Variants in CAMK1D observed in about 807,000 individuals in gnomAD.
CAMK1D encodes the protein calcium/calmodulin-dependent protein kinase type 1D.
CAMK1D carries 9 observed loss-of-function variants against 47.7 expected under a neutral mutation model. The observed-to-expected ratio is 0.19, with a 90% CI of 0.11 to 0.33. The LOEUF is 0.33. Ranked by LOEUF, CAMK1D falls within the 10% of genes least tolerant of loss-of-function variation. The probability of loss-of-function intolerance (pLI) is 1.00; values close to 1 mark genes in which losing one functional copy is unlikely to be tolerated. For missense variants in CAMK1D, 291 were observed against 488.7 expected, an observed-to-expected ratio of 0.60 and a Z score of 3.81; for synonymous variants, 184 against 184.9, an observed-to-expected ratio of 0.99 and a Z score of 0.04.
chr10:12,691,378 A>T (rs12358965), intron 3 of CAMK1D, among the ~76,000 whole-genome samples: 415 of 7,578 alleles, frequency 0.055, 4 homozygotes, highest in East Asian at 0.087. Context: ...TATATATATA[A>T]ATATATATAT....
At chr10:12,818,943 T>C (rs1302363744) in intron 8 of CAMK1D, among the ~76,000 whole-genome samples, 1 of 152,192 alleles carries the variant, frequency 6.6e-6, no homozygotes, top group African/African-American at 2.4e-5. Flanking sequence ...TAATAAAGGT[T>C]TTCTTACTTT....
At chr10:12,742,245 TC>T (rs1364105047) in intron 3 of CAMK1D, among the ~76,000 whole-genome samples, 2 of 152,274 alleles carry the variant, frequency 1.3e-5, no homozygotes, top group East Asian at 3.9e-4. Context: ...AAACCATCCT[TC>T]CACCTCAGCC....
chr10:12,808,925 T>C (rs902187158), intron 6 of CAMK1D, among the ~76,000 whole-genome samples: 2 of 152,098 alleles, frequency 1.3e-5, no homozygotes, highest in African/African-American at 2.4e-5. Context: ...GAGATCAGCC[T>C]GGCCAACATG....
In CAMK1D at chr10:12,426,655, C is replaced by G. The variant is rs141682009; in HGVS notation, c.92+76745C>G. Among the ~76,000 whole-genome samples, 14 of 152,258 alleles carry G rather than the reference C, an allele frequency of 9.2e-5. No homozygotes were observed. In the East Asian group the frequency reaches 2.3e-3, roughly 25 times the overall value. On this transcript the variant is annotated intron_variant, in intron 1 of 10. Transcript: ENST00000619168. ...CATTGAACTCCTGGGCTCAAGTGTTCCTCCCACCTCAGCTTCCTAAGTAGC... is the reference window on the plus strand; with the variant it reads ...CATTGAACTCCTGGGCTCAAGTGTTGCTCCCACCTCAGCTTCCTAAGTAGC...
chr10:12,525,810 T>A (rs1450385281), intron 1 of CAMK1D, among the ~76,000 whole-genome samples: 3 of 152,206 alleles, frequency 2.0e-5, no homozygotes, highest in Non-Finnish European at 2.9e-5. Flanking sequence ...CAAACTGGAA[T>A]GTAGTGGCGT....
At chr10:12,498,596 C>T (rs1314607428) in intron 1 of CAMK1D, among the ~76,000 whole-genome samples, 1 of 152,224 alleles carries the variant, frequency 6.6e-6, no homozygotes, top group African/African-American at 2.4e-5. Context: ...AGTTAGTTCT[C>T]ATCACTGGAT....
chr10:12,535,795 G>T (rs1209560502), intron 1 of CAMK1D, among the ~76,000 whole-genome samples: 1 of 152,140 alleles, frequency 6.6e-6, no homozygotes, highest in East Asian at 1.9e-4. Flanking sequence ...CCTCATCCAT[G>T]CAGTTACTGT....
intron 3 of CAMK1D, among the ~76,000 whole-genome samples, chr10:12,719,824 GA>G (rs1447608885): frequency 2.0e-5 from 3 of 152,224 alleles, no homozygotes; most frequent in Admixed American, 6.5e-5. Flanking sequence ...GTAGAGACTA[GA>G]AAATAATTGC....
intron 2 of CAMK1D, among the ~76,000 whole-genome samples, chr10:12,606,058 C>G (rs1308279449): frequency 6.6e-6 from 1 of 152,240 alleles, no homozygotes; most frequent in Non-Finnish European, 1.5e-5. Context: ...GGAGAAAAGG[C>G]AAAACTGCAA....
At chr10:12,350,652 C>A (rs1837326821) in intron 1 of CAMK1D, among the ~76,000 whole-genome samples, 1 of 152,234 alleles carries the variant, frequency 6.6e-6, no homozygotes, top group Non-Finnish European at 1.5e-5. Flanking sequence ...ATGGCAGGAA[C>A]GCTCCAAGCA....
intron 1 of CAMK1D, among the ~76,000 whole-genome samples, chr10:12,431,482 A>G (rs997983926): frequency 1.3e-5 from 2 of 152,156 alleles, no homozygotes; most frequent in Non-Finnish European, 2.9e-5. Flanking sequence ...CAAGAGAGTC[A>G]GTTATGTGCA....
chr10:12,694,670 G>A (rs1011426386), intron 3 of CAMK1D, among the ~76,000 whole-genome samples: 2 of 145,902 alleles, frequency 1.4e-5, no homozygotes, highest in African/African-American at 5.0e-5. Context: ...GTTGGAAGAT[G>A]TAAGATTGAA....
intron 3 of CAMK1D, among the ~76,000 whole-genome samples, chr10:12,757,571 T>C (rs916154027): frequency 6.6e-6 from 1 of 152,200 alleles, no homozygotes; most frequent in Non-Finnish European, 1.5e-5. Flanking sequence ...CAGCAGTGAT[T>C]CTGGGATAGT....
chr10:12,651,783 C>CT (rs879916950), intron 2 of CAMK1D, among the ~76,000 whole-genome samples: 158 of 144,780 alleles, frequency 1.1e-3, no homozygotes, highest in Non-Finnish European at 1.1e-3. Context: ...TTGGAAATAA[C>CT]TTTTTTTTTT....
chr10:12,413,707 T>A (rs902559667), intron 1 of CAMK1D, among the ~76,000 whole-genome samples: 15 of 139,470 alleles, frequency 1.1e-4, no homozygotes, highest in African/African-American at 3.9e-4. Context: ...TTTGGGATAG[T>A]TCTGATTTCA....
chr10:12,456,381 AC>A (rs1244936086), intron 1 of CAMK1D: 2 of 152,064 alleles, frequency 1.3e-5, no homozygotes, highest in East Asian at 3.8e-4. Context: ...TAGAGGGGAA[AC>A]CTGTTAGCCT....
intron 5 of CAMK1D, among the ~76,000 whole-genome samples, chr10:12,774,955 C>T (rs1837215776): frequency 6.6e-6 from 1 of 152,274 alleles, no homozygotes; most frequent in Non-Finnish European, 1.5e-5. Flanking sequence ...TGCTCTAGGA[C>T]ACGAGCTGGG....
chr10:12,516,086 G>A (rs1361575239), intron 1 of CAMK1D, among the ~76,000 whole-genome samples: 1 of 152,028 alleles, frequency 6.6e-6, no homozygotes, highest in African/African-American at 2.4e-5. Context: ...ATTCTCAGTT[G>A]AAGGGCTTTG....
At chr10:12,408,287 G>T (rs1023273901) in intron 1 of CAMK1D, among the ~76,000 whole-genome samples, 1 of 151,696 alleles carries the variant, frequency 6.6e-6, no homozygotes, top group Non-Finnish European at 1.5e-5. Context: ...TCAACCTCCC[G>T]AGTAGTTGGG....
Sources: allele counts gnomAD v4.1 joint callset (sites outside exome capture counted in the v4.1 genomes callset), GRCh38; gene constraint gnomAD v4.1.1; transcripts MANE v1.5; gene names NCBI Gene and HGNC (gene_info 2026-07-23, HGNC 2026-07-21).